The following GRIK3 variants were observed in gnomAD, a reference collection of about 807,000 sequenced individuals.
GRIK3 encodes glutamate receptor ionotropic, kainate 3.
GRIK3 carries 29 observed loss-of-function variants against 102.5 expected under a neutral mutation model. The ratio of observed to expected loss-of-function variants is 0.28; its 90% CI spans 0.21 to 0.39. GRIK3 has a LOEUF of 0.39. Ranked by LOEUF, GRIK3 falls within the 10% of genes least tolerant of loss-of-function variation. The probability of loss-of-function intolerance (pLI) is 1.00; values close to 1 mark genes in which losing one functional copy is unlikely to be tolerated. For synonymous variants in GRIK3, 511 were observed against 504.9 expected (o/e 1.01, Z -0.16); for missense variants, 908 against 1,252.4 (o/e 0.73, Z 4.15).
chr1:36,923,460 G>T (rs574398658), intron 1 of GRIK3, among the ~76,000 whole-genome samples: 1 of 152,280 alleles, frequency 6.6e-6, no homozygotes, highest in South Asian at 2.1e-4. Context: ...TAATTTGCTG[G>T]AGCCAAATTT....
At chr1:36,933,129 T>C (rs1037002971) in intron 1 of GRIK3, among the ~76,000 whole-genome samples, 4 of 152,162 alleles carry the variant, frequency 2.6e-5, no homozygotes, top group African/African-American at 9.7e-5. Flanking sequence ...AAGCGGCTTG[T>C]CACTGAGCAA....
chr1:36,907,952 C>G (rs956362027), intron 1 of GRIK3, among the ~76,000 whole-genome samples: 7 of 152,074 alleles, frequency 4.6e-5, no homozygotes, highest in Non-Finnish European at 8.8e-5. Context: ...CTCACCTGGG[C>G]CCCTGGAAGC....
At chr1:37,003,364 AT>A (rs979867620) in intron 1 of GRIK3, among the ~76,000 whole-genome samples, 1 of 152,242 alleles carries the variant, frequency 6.6e-6, no homozygotes, top group Non-Finnish European at 1.5e-5. Context: ...AATGGCCCAA[AT>A]TATACTTTCA....
At chr1:36,844,741 ATAT>A (rs202228595) in intron 9 of GRIK3, among the ~76,000 whole-genome samples, 4 of 152,242 alleles carry the variant, frequency 2.6e-5, no homozygotes, top group East Asian at 1.9e-4. Flanking sequence ...TTAGCTGCCA[ATAT>A]TATTATTATT....
At chr1:36,833,818 C>G (rs1429592046) in intron 10 of GRIK3, among the ~76,000 whole-genome samples, 5 of 152,202 alleles carry the variant, frequency 3.3e-5, no homozygotes, top group African/African-American at 1.2e-4. Context: ...CCATGTCCTC[C>G]TTCACCCAAC....
chr1:36,850,067 G>C lies in GRIK3; in HGVS notation c.1326+244C>G. 1 of 498,296 alleles carries C rather than the reference G, an allele frequency of 2.0e-6. No homozygotes were observed. Among genetic ancestry groups the C allele is most frequent in the South Asian group, 2.5e-5 (1 of 40,090 alleles). 30.9% of individuals were successfully genotyped at this position (498,296 alleles called of 1,614,324 possible). ...CACCATCCAGCATGGTTCCTACTCA[G>C]ACATCAAGGACTTGGGGAGTGAGTG... On this transcript the variant is annotated intron_variant, in intron 9 of 15. Transcript: ENST00000373091. This position sits in a 1 kb window ranked among gnomAD's most constrained non-coding sequence, Gnocchi z 4.0.
chr1:36,869,999 C>T (rs1433219069), intron 4 of GRIK3, among the ~76,000 whole-genome samples, 198 bp from the exon 5 acceptor site: 3 of 152,228 alleles, frequency 2.0e-5, no homozygotes, highest in Non-Finnish European at 4.4e-5. Context: ...CTGGAGTGTG[C>T]TGTAAAGTCA....
chr1:36,819,567 G>A lies in GRIK3; in HGVS notation c.1873+169C>T, dbSNP rs910482377. Reference sequence around the variant, plus strand: ...AGTGAAGGTGGAAGTTAGGGGTCTGGGGCAAGGGCACACACCTGGGTATCT... The same window carrying A: ...AGTGAAGGTGGAAGTTAGGGGTCTGAGGCAAGGGCACACACCTGGGTATCT... On this transcript the variant is annotated intron_variant, in intron 12 of 15. Transcript: ENST00000373091. The surrounding 1 kb of genome is among the most constrained non-coding windows in gnomAD (Gnocchi z 4.1). 4.6e-5 allele frequency among the ~76,000 whole-genome samples: 7 copies of A among 152,206 alleles called. No homozygotes were observed. Among genetic ancestry groups the A allele is most frequent in the African/African-American group, 1.7e-4 (7 of 41,458 alleles).
At chr1:36,988,907 G>C (rs1642333909) in intron 1 of GRIK3, among the ~76,000 whole-genome samples, 1 of 151,994 alleles carries the variant, frequency 6.6e-6, no homozygotes, top group Admixed American at 6.5e-5. Flanking sequence ...ATAAATAAAG[G>C]CTTTACCAGG....
chr1:36,877,571 A>T (rs915394797), intron 3 of GRIK3, among the ~76,000 whole-genome samples: 3 of 152,204 alleles, frequency 2.0e-5, no homozygotes, highest in Admixed American at 6.5e-5. Context: ...GAGGCTGGAC[A>T]TCAGAGACCT....
intron 3 of GRIK3, among the ~76,000 whole-genome samples, chr1:36,878,401 C>A (rs112938068): frequency 0.01 from 1,565 of 152,318 alleles, 22 homozygotes; most frequent in African/African-American, 0.036. Context: ...CTTGTAGAAG[C>A]CTGAGTTAAA....
At chr1:36,941,921 C>A (rs1000392004) in intron 1 of GRIK3, among the ~76,000 whole-genome samples, 5 of 152,184 alleles carry the variant, frequency 3.3e-5, no homozygotes, top group Admixed American at 6.5e-5. Flanking sequence ...AGCCTATCCC[C>A]CCCTCACCCT....
chr1:36,999,519 C>T (rs1381142161), intron 1 of GRIK3, among the ~76,000 whole-genome samples: 6 of 152,098 alleles, frequency 3.9e-5, no homozygotes, highest in Admixed American at 3.9e-4. Flanking sequence ...TCACCACCCA[C>T]AGAGGCCTGA....
intron 1 of GRIK3, among the ~76,000 whole-genome samples, chr1:36,976,937 T>C (rs1381377783): frequency 6.6e-6 from 1 of 152,178 alleles, no homozygotes; most frequent in Admixed American, 6.5e-5. Context: ...TTCTCTGTCC[T>C]GACCCAGCAT....
At chr1:36,917,964 C>A (rs910943624) in intron 1 of GRIK3, among the ~76,000 whole-genome samples, 1 of 152,160 alleles carries the variant, frequency 6.6e-6, no homozygotes, top group Non-Finnish European at 1.5e-5. Context: ...TAAGGGGAGG[C>A]CAGCAGCTGC....
At position 36,969,610 on chromosome 1, in the gene GRIK3, C is replaced by T. The variant is rs138124199; in HGVS notation, c.115+64384G>A. On this transcript the variant is annotated intron_variant, in intron 1 of 15. Transcript: ENST00000373091. ...AGAGAGTAGAGACCTGCATAAAGTA[C>T]CCTGGGTGTGCATGATGAGGAAAGA... 5.3e-5 allele frequency among the ~76,000 whole-genome samples: 8 copies of T among 152,294 alleles called. No homozygotes were observed. In the East Asian group the frequency reaches 1.5e-3, roughly 29 times the overall value.
intron 1 of GRIK3, among the ~76,000 whole-genome samples, chr1:37,020,254 T>C (rs913507171): frequency 1.3e-5 from 2 of 152,118 alleles, no homozygotes; most frequent in African/African-American, 2.4e-5. Context: ...ATCCAGGTGG[T>C]AGAGCACCTG....
In GRIK3 at chr1:36,799,955, T is replaced by G. The variant is rs562377759; in HGVS notation, c.*1896A>C. The G allele has an allele frequency of 6.6e-6, 1 of 152,334 alleles. No individual in the cohort carries two copies. The highest frequency in any genetic ancestry group is 2.1e-4 in the South Asian group (1 of 4,822). The allele number at this position is 152,334 out of a possible 1,614,324, so 9.4% of individuals were successfully genotyped here. Reference sequence around the variant, plus strand: ...CTGAAGCTTATGACAGCATGGCTTTTCCTAACATTACATGCATGGGGCTTT... The same window carrying G: ...CTGAAGCTTATGACAGCATGGCTTTGCCTAACATTACATGCATGGGGCTTT... On this transcript the variant is annotated 3_prime_UTR_variant, in exon 16 of 16. Coordinates refer to ENST00000373091, the MANE Select transcript of GRIK3 (RefSeq NM_000831.4).
chr1:36,952,899 G>C (rs925187227), intron 1 of GRIK3, among the ~76,000 whole-genome samples: 2 of 152,178 alleles, frequency 1.3e-5, no homozygotes, highest in Non-Finnish European at 2.9e-5. Context: ...ATGTGCCTGA[G>C]AGAAATGCTC....
Sources: allele counts gnomAD v4.1 joint callset (sites outside exome capture counted in the v4.1 genomes callset), GRCh38; gene constraint gnomAD v4.1.1; non-coding constraint Gnocchi (gnomAD v3.1); transcripts MANE v1.5; gene names NCBI Gene and HGNC (gene_info 2026-07-23, HGNC 2026-07-21).